The following SRPK3 variants were observed in gnomAD, a reference collection of about 807,000 sequenced individuals.
The protein encoded by SRPK3 is SRSF protein kinase 3, also known as SFRS protein kinase 3.
A neutral mutation model predicts 45.3 loss-of-function variants in SRPK3; 26 were observed. The observed-to-expected ratio is 0.57, with a 90% confidence interval of 0.42 to 0.80. SRPK3 has a LOEUF of 0.80. Among genes scored for constraint, SRPK3 ranks in the 30% least tolerant of loss-of-function variants. SRPK3 has a pLI of 0.00. For missense variants in SRPK3, 536 were observed against 514.5 expected (o/e 1.04, Z -0.40); for synonymous variants, 254 against 226.6 (o/e 1.12, Z -1.09).
chrX:153,782,360 CTG>C lies in SRPK3; in HGVS notation c.475+156_475+157del. 1.0e-5 allele frequency: 5 copies of C among 479,914 alleles called. No homozygotes were observed. In the South Asian group the frequency reaches 1.6e-4, roughly 15 times the overall value. 39.6% of individuals were successfully genotyped at this position (479,914 alleles called of 1,213,427 possible). On this transcript the variant is annotated intron_variant, in intron 5 of 14. Transcript: ENST00000370101. ...CTGGCACGACCCCGCCCCCAGGTAA[CTG>C]TGTTTACGTGGAGGCAGTAACAAGC...
At position 153,785,497 on chromosome X, in the gene SRPK3, C is replaced by A; in HGVS notation, c.1681C>A (p.Gln561Lys). ...EKRASAADCL[Q>K]HPWLNP ...GCGGGCCAGTGCCGCTGACTGCCTC[C>A]AGCACCCCTGGCTCAACCCCTAGGC... Residue 561 changes from glutamine to lysine, a missense_variant, in exon 15 of 15, where the codon CAG (glutamine) becomes AAG (lysine). Gln to Lys is a moderately conservative substitution (Grantham distance 53). Coordinates refer to ENST00000370101, the MANE Select transcript of SRPK3 (RefSeq NM_014370.4). The A allele has an allele frequency of 8.3e-7, 1 of 1,209,424 alleles. No individual in the cohort carries two copies. The highest frequency in any genetic ancestry group is 1.1e-6 in the Non-Finnish European group (1 of 894,092).
In SRPK3 at chrX:153,781,773, G is replaced by A. The variant is rs199626255; in HGVS notation, c.330G>A (p.Val110=). 46 of 1,210,822 alleles carry A rather than the reference G, an allele frequency of 3.8e-5. 1 individual carries two copies. The East Asian group carries it at 1.2e-3, about 30-fold the overall frequency. Residue 110 remains valine, a synonymous_variant, in exon 4 of 15, where the codon GTG becomes GTA. Coordinates refer to ENST00000370101, the MANE Select transcript of SRPK3 (RefSeq NM_014370.4). ...AGCGCTTTGTGGCCCTCAAAGTGGT[G>A]AAGAGTGCGGGGCATTACACGGAGA... The part of the protein sequence containing the change: ...QRKRFVALKV[V]KSAGHYTETA...
At chrX:153,782,362 G>A (rs1557067241) in intron 5 of SRPK3, among the ~76,000 whole-genome samples, 154 bp downstream of exon 5, 2 of 112,830 alleles carry the variant, frequency 1.8e-5, no homozygotes, top group Non-Finnish European at 3.8e-5. Context: ...CCAGGTAACT[G>A]TGTTTACGTG....
intron 5 of SRPK3, among the ~76,000 whole-genome samples, chrX:153,782,450 C>T: frequency 8.8e-6 from 1 of 113,644 alleles, no homozygotes; most frequent in East Asian, 2.8e-4. Flanking sequence ...CTCTGTGGCA[C>T]TGCCTTCCCT....
In SRPK3 at chrX:153,784,803, G is replaced by A. The variant is rs1557068429; in HGVS notation, c.1302G>A (p.Val434=). 1 of 1,211,496 alleles carries A rather than the reference G, an allele frequency of 8.3e-7. No homozygotes were observed. Among genetic ancestry groups the A allele is most frequent in the East Asian group, 3.0e-5 (1 of 33,862 alleles). The change falls in exon 12 of 15, where the codon GTG becomes GTA. Residue 434 remains valine, a synonymous_variant. Coordinates refer to ENST00000370101, the MANE Select transcript of SRPK3 (RefSeq NM_014370.4). ...CTCGGCAGTACCGGGCCGTCGAGGT[G>A]CTGATCGGCGCCGAATACGGCCCCC... ...IQTRQYRAVE[V]LIGAEYGPPA...
intron 5 of SRPK3, 148 bp downstream of exon 5, chrX:153,782,356 G>GT (rs1310196940): frequency 6.2e-6 from 3 of 481,651 alleles, no homozygotes; most frequent in Admixed American, 7.2e-5. Context: ...CCGCCCCCAG[G>GT]TAACTGTGTT....
chrX:153,781,533 C>T lies in SRPK3; in HGVS notation c.219C>T (p.Asp73=), dbSNP rs782773773. 3 of 1,210,389 alleles carry T rather than the reference C, an allele frequency of 2.5e-6. No individual in the cohort carries two copies. Among genetic ancestry groups the T allele is most frequent in the East Asian group, 3.0e-5 (1 of 33,818 alleles). ...GCTACCACCCTGTGAAGATCGGCGACGTGTTCAATGGGCGGTACCACGTGG... is the reference window on the plus strand; with the variant it reads ...GCTACCACCCTGTGAAGATCGGCGATGTGTTCAATGGGCGGTACCACGTGG... The part of the protein sequence containing the change: ...KGGYHPVKIG[D]VFNGRYHVVR... Residue 73 remains aspartate, a synonymous_variant, in exon 3 of 15, where the codon GAC becomes GAT. Transcript: ENST00000370101.
chrX:153,784,663 G>A (rs781987553), intron 11 of SRPK3, 87 bp from the exon 12 acceptor site: 64 of 1,092,424 alleles, frequency 5.9e-5, no homozygotes, highest in South Asian at 1.4e-4. Context: ...TGAGCTCCTC[G>A]GGTAGGCGGA....
rs782813975 is a variant in SRPK3 at position 153,781,750 on chromosome X, C to T, written c.307C>T (p.Arg103Cys). ...VWLCWDIQRK[R>C]FVALKVVKSA... ...AGGGTCTCGGTATTGCAGGCGCAAG[C>T]GCTTTGTGGCCCTCAAAGTGGTGAA... Residue 103 changes from arginine to cysteine, a missense_variant, in exon 4 of 15, where the codon CGC (arginine) becomes TGC (cysteine). Physicochemically the swap from Arg to Cys is radical, Grantham distance 180. Transcript: ENST00000370101. The T allele has an allele frequency of 2.1e-5, 26 of 1,210,461 alleles. No homozygotes were observed. The highest frequency in any genetic ancestry group is 6.9e-5 in the African/African-American group (4 of 57,608).
chrX:153,781,435 G>A (rs781847291), intron 2 of SRPK3, 70 bp from the exon 3 acceptor site: 3 of 1,178,113 alleles, frequency 2.5e-6, no homozygotes, highest in East Asian at 3.0e-5. Context: ...ATGGTCAATG[G>A]GGCCGAGGTG....
intron 4 of SRPK3, 88 bp from the exon 5 acceptor site, chrX:153,782,033 A>T: frequency 1.0e-6 from 1 of 959,375 alleles, no homozygotes. Flanking sequence ...AGCAGGGCCC[A>T]GCTGGAGCAG....
intron 4 of SRPK3, 65 bp from the exon 5 acceptor site, chrX:153,782,056 C>T (rs782456864): frequency 1.9e-4 from 201 of 1,056,617 alleles, no homozygotes; most frequent in Admixed American, 3.8e-4. Flanking sequence ...GAAGGGTACA[C>T]TGAAGGGAGC....
intron 11 of SRPK3, 42 bp from the exon 12 acceptor site, chrX:153,784,708 G>GTCTCC (rs201253610): frequency 2.5e-6 from 3 of 1,196,091 alleles, no homozygotes; most frequent in Non-Finnish European, 3.4e-6. Context: ...GGGCAGGACA[G>GTCTCC]CCTTGGCCCC....
rs1557068409 is a variant in SRPK3 at position 153,784,788 on chromosome X, C to T, written c.1287C>T (p.Tyr429=). The change falls in exon 12 of 15, where the codon TAC becomes TAT. Residue 429 remains tyrosine, a synonymous_variant. Transcript: ENST00000370101. ...HFTEDIQTRQ[Y]RAVEVLIGAE... is the part of the protein sequence containing the mutation. ...CGGAAGACATCCAGACTCGGCAGTACCGGGCCGTCGAGGTGCTGATCGGCG... is the reference window on the plus strand; with the variant it reads ...CGGAAGACATCCAGACTCGGCAGTATCGGGCCGTCGAGGTGCTGATCGGCG... 8.3e-7 allele frequency: 1 copy of T among 1,211,489 alleles called. No individual in the cohort carries two copies. The highest frequency in any genetic ancestry group is 2.2e-5 in the Admixed American group (1 of 46,188).
intron 2 of SRPK3, 78 bp downstream of exon 2, chrX:153,781,424 G>C: frequency 8.5e-7 from 1 of 1,174,795 alleles, no homozygotes; most frequent in African/African-American, 1.7e-5. Flanking sequence ...ACATGGGCCA[G>C]ATGGTCAATG....
At chrX:153,783,200 C>CT in intron 7 of SRPK3, 26 bp from the exon 8 acceptor site, 1 of 1,001,096 alleles carries the variant, frequency 1.0e-6, no homozygotes, top group African/African-American at 1.9e-5. Context: ...CTGTCCCCCC[C>CT]CACCGCTCCC....
In SRPK3 at chrX:153,781,166, C is replaced by A. The variant is rs188506957; in HGVS notation, c.59+21C>A. On this transcript the variant is annotated intron_variant, in intron 1 of 14. Coordinates refer to ENST00000370101, the MANE Select transcript of SRPK3 (RefSeq NM_014370.4). ...AGCAGGTAGGGCTCGGCTGGGGCAC[C>A]CGGAGCCCCTGGCGTCTCTCATGCC... 411 of 1,176,209 alleles carry A rather than the reference C, an allele frequency of 3.5e-4. 2 individuals are homozygous for A. In the African/African-American group the frequency reaches 6.5e-3, roughly 19 times the overall value.
rs145099145 is a variant in SRPK3, at chrX:153,785,399, A to G, written c.1583A>G (p.Tyr528Cys). 2.1e-5 allele frequency: 26 copies of G among 1,209,749 alleles called. No individual in the cohort carries two copies. The change falls in exon 15 of 15, where the codon TAC becomes TGC. Residue 528 changes from tyrosine to cysteine, a missense_variant. Tyr to Cys is a radical substitution (Grantham distance 194). Transcript: ENST00000370101. ...WGLYEVLMEK[Y>C]EWPLEQATQF... is the part of the protein sequence containing the mutation. ...CTGTACGAGGTACTCATGGAAAAGT[A>G]CGAGTGGCCCCTAGAGCAGGCCACA... is the stretch of plus-strand genomic sequence containing the variant.
Position 153,781,248 on chromosome X carries a change from G to A in SRPK3, c.92G>A (p.Gly31Asp). The change falls in exon 2 of 15, where the codon GGC becomes GAC. Residue 31 changes from glycine (G) to aspartate (D), a missense_variant. Transcript: ENST00000370101. ...GCCTCCTGCGGGCCCGAGTCCTCGG[G>A]CTCCGAACTAGCCCTGGCCACACCG... ...SQASCGPESS[G>D]SELALATPVP... 8.3e-7 allele frequency: 1 copy of A among 1,209,290 alleles called. No individual in the cohort carries two copies. The highest frequency in any genetic ancestry group is 1.1e-6 in the Non-Finnish European group (1 of 894,531).
Sources: allele counts gnomAD v4.1 joint callset (sites outside exome capture counted in the v4.1 genomes callset), GRCh38; gene constraint gnomAD v4.1.1; transcripts MANE v1.5; gene names NCBI Gene and HGNC (gene_info 2026-07-23, HGNC 2026-07-21).